PHACTR3: variants seen among roughly 807,000 people sequenced by gnomAD.
PHACTR3 encodes protein phosphatase 1, regulatory subunit 123.
In PHACTR3, 16 loss-of-function variants were observed where a neutral mutation model predicts 66.8. The observed-to-expected ratio is 0.24, with a 90% CI of 0.16 to 0.36. The LOEUF is 0.36. PHACTR3 is among the 10% of genes least tolerant of loss of function. The pLI, the probability that PHACTR3 is intolerant of heterozygous loss-of-function variation, is 1.00. For missense variants in PHACTR3, 647 were observed against 719.9 expected, an observed-to-expected ratio of 0.90 and a Z score of 1.16; for synonymous variants, 323 against 292.1, an observed-to-expected ratio of 1.11 and a Z score of -1.08.
chr20:59,816,668 T>C (rs965240179), intron 8 of PHACTR3, among the ~76,000 whole-genome samples: 3 of 152,228 alleles, frequency 2.0e-5, no homozygotes, highest in African/African-American at 7.2e-5. Flanking sequence ...TTATCCTCAG[T>C]GCCTGGTACA....
intron 1 of PHACTR3, among the ~76,000 whole-genome samples, chr20:59,589,674 CTT>C (rs2033134464): frequency 6.6e-6 from 1 of 152,174 alleles, no homozygotes; most frequent in Non-Finnish European, 1.5e-5. Flanking sequence ...AAACAACTCT[CTT>C]AAGTATATAA....
chr20:59,636,042 G>C (rs1251084487), intron 1 of PHACTR3, among the ~76,000 whole-genome samples: 1 of 152,238 alleles, frequency 6.6e-6, no homozygotes, highest in Non-Finnish European at 1.5e-5. Flanking sequence ...CTTCACATTA[G>C]CTAATGCTGG....
At position 59,621,290 on chromosome 20, in the gene PHACTR3, C is replaced by T. The variant is rs188524749; in HGVS notation, c.118+16158C>T. Among the ~76,000 whole-genome samples, 157 of 152,342 alleles carry T rather than the reference C, an allele frequency of 1.0e-3. 2 individuals are homozygous for T. The South Asian group carries it at 0.031, about 30-fold the overall frequency. On this transcript the variant is annotated intron_variant, in intron 1 of 12. Coordinates refer to ENST00000371015, the MANE Select transcript of PHACTR3 (RefSeq NM_080672.5). ...CCCAGTGCACATAGACTGATGTAGCCGGGTTCCCCAGGGAGCAGGTGGCAG... is the reference window on the plus strand; with the variant it reads ...CCCAGTGCACATAGACTGATGTAGCTGGGTTCCCCAGGGAGCAGGTGGCAG...
intron 7 of PHACTR3, among the ~76,000 whole-genome samples, chr20:59,793,106 C>T (rs76328993): frequency 0.015 from 2,297 of 152,020 alleles, 59 homozygotes; most frequent in African/African-American, 0.052. Context: ...CCAGGGTGCT[C>T]TTGAACTCTT....
chr20:59,651,775 T>C (rs574169319), intron 1 of PHACTR3, among the ~76,000 whole-genome samples: 12 of 152,214 alleles, frequency 7.9e-5, no homozygotes, highest in African/African-American at 2.4e-4. Context: ...GGATATATCA[T>C]AGTATTCATT....
At chr20:59,723,300 T>TC (rs1455926770) in intron 1 of PHACTR3, among the ~76,000 whole-genome samples, 2 of 151,960 alleles carry the variant, frequency 1.3e-5, no homozygotes, top group African/African-American at 4.8e-5. Flanking sequence ...ACTTCCCCTT[T>TC]CCCTACCCCT....
chr20:59,810,784 G>A (rs1265042420), intron 8 of PHACTR3, among the ~76,000 whole-genome samples: 1 of 152,186 alleles, frequency 6.6e-6, no homozygotes, highest in South Asian at 2.1e-4. Context: ...GAAGCTCTAT[G>A]CTGATTTTCA....
At chr20:59,751,677 C>A (rs78607360) in intron 3 of PHACTR3, among the ~76,000 whole-genome samples, 5 of 152,072 alleles carry the variant, frequency 3.3e-5, no homozygotes, top group Non-Finnish European at 5.9e-5. Flanking sequence ...ACCACTGTGA[C>A]CCCCTCCCCT....
intron 1 of PHACTR3, among the ~76,000 whole-genome samples, chr20:59,590,912 A>C (rs2033163206): frequency 6.6e-6 from 1 of 152,122 alleles, no homozygotes; most frequent in African/African-American, 2.4e-5. Flanking sequence ...TCATGACCTA[A>C]TCACCATCAT....
At chr20:59,592,117 T>A (rs920866815) in intron 1 of PHACTR3, among the ~76,000 whole-genome samples, 3 of 152,150 alleles carry the variant, frequency 2.0e-5, no homozygotes, top group Admixed American at 6.5e-5. Context: ...TAACAGTGTA[T>A]CACAGCAGCT....
At chr20:59,651,495 T>C (rs972864176) in intron 1 of PHACTR3, among the ~76,000 whole-genome samples, 5 of 152,378 alleles carry the variant, frequency 3.3e-5, no homozygotes, top group Admixed American at 3.3e-4. Flanking sequence ...AATCTGGCTA[T>C]ATTTAGCAAA....
At chr20:59,827,857 T>C (rs983362373) in intron 8 of PHACTR3, among the ~76,000 whole-genome samples, 5 of 152,186 alleles carry the variant, frequency 3.3e-5, no homozygotes, top group African/African-American at 1.2e-4. Context: ...GGCTTCCTGG[T>C]GGAGTTGAAG....
chr20:59,777,453 G>A (rs931383982), intron 7 of PHACTR3, among the ~76,000 whole-genome samples: 2 of 152,096 alleles, frequency 1.3e-5, no homozygotes, highest in African/African-American at 4.8e-5. Flanking sequence ...CTCCATCCCT[G>A]AGATCTCTGT....
At chr20:59,592,970 T>C (rs2033228060) in intron 1 of PHACTR3, among the ~76,000 whole-genome samples, 1 of 152,188 alleles carries the variant, frequency 6.6e-6, no homozygotes, top group African/African-American at 2.4e-5. Context: ...CATGTACAGG[T>C]TTTTGTGTAG....
chr20:59,578,121 C>A (rs1270004330), intron 1 of PHACTR3, among the ~76,000 whole-genome samples: 1 of 152,256 alleles, frequency 6.6e-6, no homozygotes, highest in South Asian at 2.1e-4. Context: ...CCCTCGCCCC[C>A]TGCTGGGCAG....
chr20:59,707,592 G>A (rs190433072), intron 1 of PHACTR3, among the ~76,000 whole-genome samples: 55 of 150,486 alleles, frequency 3.7e-4, no homozygotes, highest in African/African-American at 7.8e-4. Flanking sequence ...TCAGCCTCCC[G>A]AGTGGCTGGG....
At chr20:59,840,337 TA>T (rs1207258881) in intron 9 of PHACTR3, 31 bp from the exon 10 acceptor site, 1 of 1,597,602 alleles carries the variant, frequency 6.3e-7, no homozygotes, top group Non-Finnish European at 8.5e-7. Context: ...TTCTCTTTGT[TA>T]TTTTTTTTTT....
intron 1 of PHACTR3, among the ~76,000 whole-genome samples, chr20:59,696,270 T>C (rs779110190): frequency 3.9e-4 from 60 of 152,122 alleles, no homozygotes; most frequent in Non-Finnish European, 1.0e-4. Flanking sequence ...AGTAGATGGT[T>C]ATAAAGGACA....
intron 1 of PHACTR3, among the ~76,000 whole-genome samples, chr20:59,639,832 A>AAG (rs748543922): frequency 2.2e-4 from 34 of 152,160 alleles, no homozygotes; most frequent in Non-Finnish European, 4.0e-4. Context: ...AGACTCTTGG[A>AAG]AGAGATGTAC....
Sources: allele counts gnomAD v4.1 joint callset (sites outside exome capture counted in the v4.1 genomes callset), GRCh38; gene constraint gnomAD v4.1.1; transcripts MANE v1.5; gene names NCBI Gene and HGNC (gene_info 2026-07-23, HGNC 2026-07-21).